The following NYAP2 variants were observed in gnomAD, a reference collection of about 807,000 sequenced individuals.
NYAP2 encodes neuronal tyrosine-phosphorylated phosphoinositide-3-kinase adaptor 2.
In NYAP2, 23 loss-of-function variants were observed where a neutral mutation model predicts 50.4. That is an observed-to-expected ratio of 0.46 (90% CI 0.33 to 0.65). The LOEUF is 0.65. Among genes scored for constraint, NYAP2 ranks in the 30% least tolerant of loss-of-function variants. The pLI, the probability that NYAP2 is intolerant of heterozygous loss-of-function variation, is 0.02. For synonymous variants in NYAP2, 394 were observed against 365.2 expected, an observed-to-expected ratio of 1.08 and a Z score of -0.90; for missense variants, 885 against 861.0, an observed-to-expected ratio of 1.03 and a Z score of -0.35.
the NYAP2 span, among the ~76,000 whole-genome samples, chr2:225,663,521 C>T: frequency 5.9e-5 from 9 of 152,100 alleles, no homozygotes; most frequent in African/African-American, 2.2e-4. Flanking sequence ...TGCTACACCT[C>T]AGGTTCATCC....
At chr2:225,596,650 A>C (rs1013972413) in intron 5 of NYAP2, among the ~76,000 whole-genome samples, 3 of 152,202 alleles carry the variant, frequency 2.0e-5, no homozygotes, top group African/African-American at 7.2e-5. Flanking sequence ...TAGAATTGCC[A>C]TGATTAACCA....
At chr2:225,665,807 T>TAAAAAAAAAAAAA in the NYAP2 span, among the ~76,000 whole-genome samples, 10 of 20,996 alleles carry the variant, frequency 4.8e-4, 3 homozygotes, top group African/African-American at 6.9e-4. Flanking sequence ...AGCCTCCGTC[T>TAAAAAAAAAAAAA]AAAAAAAAAA....
chr2:225,534,078 C>A (rs992694532), intron 4 of NYAP2, among the ~76,000 whole-genome samples: 6 of 151,760 alleles, frequency 4.0e-5, no homozygotes, highest in African/African-American at 1.5e-4. Flanking sequence ...TAAAAAAAAA[C>A]AACCGAATAA....
chr2:225,616,432 C>T lies in NYAP2; in HGVS notation c.1619-10485C>T, dbSNP rs562076578. ...ATAATAGCAGTGCAACGAGAAGCCCCCAGCACTTGCCTGGGCTTGTAGGTA... is the reference window on the plus strand; with the variant it reads ...ATAATAGCAGTGCAACGAGAAGCCCTCAGCACTTGCCTGGGCTTGTAGGTA... On this transcript the variant is annotated intron_variant, in intron 5 of 6. Coordinates refer to ENST00000636099, the Ensembl canonical transcript of NYAP2. 5.9e-5 allele frequency among the ~76,000 whole-genome samples: 9 copies of T among 152,306 alleles called. No individual in the cohort carries two copies. The South Asian group carries it at 1.9e-3, about 32-fold the overall frequency.
rs145295462 is a variant in NYAP2 at position 225,471,726 on chromosome 2, A to G, written c.222-41645A>G. ...TTCCCTGTGAAATATGTGTTATCAC[A>G]TTTACACAGGAGAAAACAAGTTGAG... On this transcript the variant is annotated intron_variant, in intron 3 of 6. Coordinates refer to ENST00000636099, the Ensembl canonical transcript of NYAP2. Among the ~76,000 whole-genome samples, 779 of 152,316 alleles carry G rather than the reference A, an allele frequency of 5.1e-3. 7 individuals are homozygous for G. Among genetic ancestry groups the G allele is most frequent in the African/African-American group, 0.017 (727 of 41,564 alleles).
At chr2:225,430,291 T>C (rs1435493981) in intron 3 of NYAP2, among the ~76,000 whole-genome samples, 1 of 152,220 alleles carries the variant, frequency 6.6e-6, no homozygotes, top group Non-Finnish European at 1.5e-5. Context: ...AGAACATGAA[T>C]AACATGAAGC....
chr2:225,589,292 A>C (rs1031456085), intron 5 of NYAP2, among the ~76,000 whole-genome samples: 9 of 150,438 alleles, frequency 6.0e-5, no homozygotes, highest in Non-Finnish European at 1.0e-4. Flanking sequence ...CTTCCCAAAA[A>C]AATAAGAAAT....
the NYAP2 span, among the ~76,000 whole-genome samples, chr2:225,679,687 G>T: frequency 6.6e-6 from 1 of 151,806 alleles, no homozygotes; most frequent in Non-Finnish European, 1.5e-5. Flanking sequence ...TAGAGACAGG[G>T]TTTCACCATG....
intron 4 of NYAP2, among the ~76,000 whole-genome samples, chr2:225,551,528 A>G (rs1691675193): frequency 6.6e-6 from 1 of 152,236 alleles, no homozygotes; most frequent in Non-Finnish European, 1.5e-5. Flanking sequence ...GCAGTGAGAA[A>G]TAATAATTCA....
chr2:225,630,567 C>T (rs1693288863), intron 6 of NYAP2, among the ~76,000 whole-genome samples: 2 of 152,142 alleles, frequency 1.3e-5, no homozygotes, highest in African/African-American at 2.4e-5. Flanking sequence ...ACCCTTTTTC[C>T]CCTAAAGCAA....
intron 3 of NYAP2, among the ~76,000 whole-genome samples, chr2:225,420,579 A>G (rs2106126470): frequency 6.7e-6 from 1 of 150,210 alleles, no homozygotes; most frequent in East Asian, 2.0e-4. Flanking sequence ...GCACAGGGAA[A>G]GAGGAGTTCT....
At chr2:225,512,641 C>T (rs1437169534) in intron 3 of NYAP2, among the ~76,000 whole-genome samples, 5 of 140,650 alleles carry the variant, frequency 3.6e-5, no homozygotes, top group Non-Finnish European at 7.8e-5. Context: ...TCCTTCCTTC[C>T]TTCCTCCCTC....
At chr2:225,701,808 T>G in the NYAP2 span, 2 of 151,920 alleles carry the variant, frequency 1.3e-5, no homozygotes, top group Admixed American at 6.6e-5. Flanking sequence ...CTTTCCAAAG[T>G]AGTGACAAAA....
At chr2:225,579,740 G>A (rs1013736049) in intron 4 of NYAP2, among the ~76,000 whole-genome samples, 3 of 152,158 alleles carry the variant, frequency 2.0e-5, no homozygotes, top group Non-Finnish European at 4.4e-5. Flanking sequence ...CCACACTGTA[G>A]CCTCCCATAA....
chr2:225,437,576 G>A (rs1422400362), intron 3 of NYAP2, among the ~76,000 whole-genome samples: 2 of 152,146 alleles, frequency 1.3e-5, no homozygotes, highest in South Asian at 2.1e-4. Context: ...ATGCATGGTA[G>A]TATTTTGAAC....
At chr2:225,469,070 G>A (rs1052795795) in intron 3 of NYAP2, among the ~76,000 whole-genome samples, 11 of 152,258 alleles carry the variant, frequency 7.2e-5, no homozygotes, top group East Asian at 1.9e-4. Flanking sequence ...TATCATCAGC[G>A]TGAACAGGCA....
intron 3 of NYAP2, among the ~76,000 whole-genome samples, chr2:225,432,751 C>G (rs1164083502): frequency 6.6e-6 from 1 of 152,152 alleles, no homozygotes; most frequent in Non-Finnish European, 1.5e-5. Context: ...CATAACCGGT[C>G]CAGGACTGAT....
At chr2:225,478,162 G>GA (rs1690148967) in intron 3 of NYAP2, among the ~76,000 whole-genome samples, 1 of 152,170 alleles carries the variant, frequency 6.6e-6, no homozygotes, top group South Asian at 2.1e-4. Flanking sequence ...ACTTAGTATA[G>GA]AGATGCTGTT....
intron 3 of NYAP2, among the ~76,000 whole-genome samples, chr2:225,432,603 A>C (rs2106134778): frequency 6.6e-6 from 1 of 152,170 alleles, no homozygotes; most frequent in African/African-American, 2.4e-5. Context: ...TGAGAGCTGG[A>C]GTTATATCTA....
Sources: allele counts gnomAD v4.1 joint callset (sites outside exome capture counted in the v4.1 genomes callset), GRCh38; gene constraint gnomAD v4.1.1; transcripts MANE v1.5; gene names NCBI Gene and HGNC (gene_info 2026-07-23, HGNC 2026-07-21).